Variants in PCDH9 observed in about 807,000 individuals in gnomAD.
The protein encoded by PCDH9 is protocadherin 9, also known as protocadherin-9.
In PCDH9, 24 loss-of-function variants were observed where a neutral mutation model predicts 70.6. The ratio of observed to expected loss-of-function variants is 0.34; its 90% CI spans 0.25 to 0.48. PCDH9 has a LOEUF of 0.48. Ranked by LOEUF, PCDH9 falls within the 20% of genes least tolerant of loss-of-function variation. The pLI is 0.99. For synonymous variants in PCDH9, 562 were observed against 558.5 expected (o/e 1.01, Z -0.09); for missense variants, 1,281 against 1,503.6 (o/e 0.85, Z 2.45).
chr13:67,024,354 T>C (rs1039678921), intron 2 of PCDH9, among the ~76,000 whole-genome samples: 1 of 152,278 alleles, frequency 6.6e-6, no homozygotes, highest in Admixed American at 6.5e-5. Context: ...TCATCGTGTC[T>C]ATGTTGAGGT....
intron 4 of PCDH9, among the ~76,000 whole-genome samples, chr13:66,607,436 T>C (rs546646449): frequency 6.6e-6 from 1 of 152,084 alleles, no homozygotes; most frequent in South Asian, 2.1e-4. Flanking sequence ...ATTAAACATG[T>C]TGTGGTAATT....
At chr13:66,378,193 A>G (rs991786034) in intron 4 of PCDH9, among the ~76,000 whole-genome samples, 2 of 152,190 alleles carry the variant, frequency 1.3e-5, no homozygotes, top group Admixed American at 1.3e-4. Flanking sequence ...TTCAAATGAA[A>G]ATAGATTTAA....
intron 2 of PCDH9, among the ~76,000 whole-genome samples, chr13:67,141,379 G>A (rs1400403897): frequency 6.6e-6 from 1 of 152,076 alleles, no homozygotes; most frequent in Non-Finnish European, 1.5e-5. Context: ...CTTGACCCCA[G>A]GAGTTCAAGA....
intron 3 of PCDH9, among the ~76,000 whole-genome samples, chr13:66,857,101 A>T (rs1299330012): frequency 6.6e-6 from 1 of 151,938 alleles, no homozygotes; most frequent in Non-Finnish European, 1.5e-5. Flanking sequence ...TTAACTTTCT[A>T]TTTTTCAAGA....
chr13:66,739,783 G>A (rs200070643), intron 3 of PCDH9, among the ~76,000 whole-genome samples: 15 of 139,500 alleles, frequency 1.1e-4, no homozygotes, highest in African/African-American at 2.1e-4. Flanking sequence ...TTCAACAAGA[G>A]GAGCTAACTA....
intron 2 of PCDH9, among the ~76,000 whole-genome samples, chr13:67,074,094 TC>T (rs753753947): frequency 1.3e-5 from 2 of 150,358 alleles, no homozygotes; most frequent in Admixed American, 6.6e-5. Context: ...TATCTGTCTG[TC>T]TATTATCTAT....
chr13:67,008,907 CAAG>C (rs1225656713), intron 2 of PCDH9, among the ~76,000 whole-genome samples: 2 of 152,020 alleles, frequency 1.3e-5, no homozygotes, highest in East Asian at 3.9e-4. Flanking sequence ...TCTCATAGAA[CAAG>C]AACATTAAAA....
intron 4 of PCDH9, among the ~76,000 whole-genome samples, chr13:66,472,215 AAAAAAAAAAAAAG>A (rs1302616795): frequency 6.7e-6 from 1 of 149,796 alleles, no homozygotes; most frequent in Non-Finnish European, 1.5e-5. Flanking sequence ...CCATCTCAAA[AAAAAAAAAAAAAG>A]AAAAAAGAAA....
At chr13:66,686,747 C>G (rs1223208401) in intron 3 of PCDH9, among the ~76,000 whole-genome samples, 1 of 151,992 alleles carries the variant, frequency 6.6e-6, no homozygotes, top group East Asian at 1.9e-4. Context: ...AACACTGGAC[C>G]CAGGATTTGA....
intron 4 of PCDH9, among the ~76,000 whole-genome samples, chr13:66,524,765 A>G (rs1044058240): frequency 6.6e-6 from 1 of 152,104 alleles, no homozygotes; most frequent in South Asian, 2.1e-4. Flanking sequence ...AGCCAACACA[A>G]GCCAATATGT....
intron 2 of PCDH9, among the ~76,000 whole-genome samples, chr13:67,191,478 A>ATAAT (rs999409918): frequency 2.0e-5 from 3 of 152,230 alleles, no homozygotes; most frequent in Admixed American, 1.3e-4. Context: ...CCTAATGGGT[A>ATAAT]TAATTATTTC....
At chr13:66,338,120 C>A (rs1367854734) in intron 4 of PCDH9, among the ~76,000 whole-genome samples, 1 of 152,054 alleles carries the variant, frequency 6.6e-6, no homozygotes, top group Non-Finnish European at 1.5e-5. Context: ...GTAATGTCTA[C>A]CTCTCAAAAT....
At chr13:66,369,994 G>A (rs1365947972) in intron 4 of PCDH9, among the ~76,000 whole-genome samples, 2 of 152,044 alleles carry the variant, frequency 1.3e-5, no homozygotes, top group Non-Finnish European at 2.9e-5. Context: ...AAGAATAAAT[G>A]TGTACGTTTT....
At chr13:66,349,604 A>G (rs112856529) in intron 4 of PCDH9, among the ~76,000 whole-genome samples, 24 of 152,298 alleles carry the variant, frequency 1.6e-4, no homozygotes, top group African/African-American at 5.5e-4. Flanking sequence ...TATCTTCAAA[A>G]GCAACTGATG....
chr13:67,143,563 G>A (rs2087449104), intron 2 of PCDH9, among the ~76,000 whole-genome samples: 2 of 151,920 alleles, frequency 1.3e-5, no homozygotes, highest in African/African-American at 2.4e-5. Context: ...CCTTCAAAGC[G>A]GTCTAGCCAA....
intron 3 of PCDH9, among the ~76,000 whole-genome samples, chr13:66,833,612 A>T (rs2080965206): frequency 6.6e-6 from 1 of 152,192 alleles, no homozygotes; most frequent in Non-Finnish European, 1.5e-5. Flanking sequence ...TTATATTTAC[A>T]AGGGCATGTG....
At chr13:67,043,946 T>C (rs1050043087) in intron 2 of PCDH9, among the ~76,000 whole-genome samples, 5 of 152,170 alleles carry the variant, frequency 3.3e-5, no homozygotes, top group Admixed American at 2.0e-4. Context: ...GCATGGAAAC[T>C]TCAAACCTGG....
intron 2 of PCDH9, among the ~76,000 whole-genome samples, chr13:67,095,568 A>G (rs1204032614): frequency 1.3e-5 from 2 of 152,114 alleles, no homozygotes; most frequent in Non-Finnish European, 2.9e-5. Flanking sequence ...TTGAGGAATT[A>G]CAACTTACTA....
intron 3 of PCDH9, among the ~76,000 whole-genome samples, chr13:66,878,547 G>GA (rs2081863019): frequency 6.6e-6 from 1 of 152,058 alleles, no homozygotes; most frequent in Non-Finnish European, 1.5e-5. Context: ...TTTTTAAAAA[G>GA]AAAAAATCTT....
Sources: allele counts gnomAD v4.1 joint callset (sites outside exome capture counted in the v4.1 genomes callset), GRCh38; gene constraint gnomAD v4.1.1; transcripts MANE v1.5; gene names NCBI Gene and HGNC (gene_info 2026-07-23, HGNC 2026-07-21).